Variants in PARVA observed in about 807,000 individuals in gnomAD.
PARVA encodes parvin alpha.
A neutral mutation model predicts 52.6 loss-of-function variants in PARVA; 25 were observed. That is an observed-to-expected ratio of 0.48 (90% CI 0.35 to 0.66). The LOEUF (loss-of-function observed/expected upper bound fraction) is 0.66, where lower values mean the gene tolerates loss of function less well. Among genes scored for constraint, PARVA ranks in the 30% least tolerant of loss-of-function variants. The pLI is 0.01. For synonymous variants in PARVA, 185 were observed against 179.1 expected (o/e 1.03, Z -0.26); for missense variants, 373 against 450.9 (o/e 0.83, Z 1.56).
chr11:12,491,785 CATATT>C (rs1319293780), intron 4 of PARVA, among the ~76,000 whole-genome samples: 1 of 152,062 alleles, frequency 6.6e-6, no homozygotes, highest in Non-Finnish European at 1.5e-5. Flanking sequence ...CTCTTAATAA[CATATT>C]AAGAAAAAAG....
chr11:12,451,827 A>G (rs1940627336), intron 1 of PARVA, among the ~76,000 whole-genome samples: 1 of 152,140 alleles, frequency 6.6e-6, no homozygotes, highest in African/African-American at 2.4e-5. Context: ...AAATTTGCAT[A>G]CTCTGTACCT....
intron 1 of PARVA, among the ~76,000 whole-genome samples, chr11:12,379,323 C>T (rs949833693): frequency 6.6e-6 from 1 of 152,182 alleles, no homozygotes; most frequent in Admixed American, 6.5e-5. Flanking sequence ...AGGTCTCACT[C>T]AGCCTTGTTT....
At chr11:12,391,746 A>G (rs1939662696) in intron 1 of PARVA, among the ~76,000 whole-genome samples, 1 of 152,226 alleles carries the variant, frequency 6.6e-6, no homozygotes, top group Non-Finnish European at 1.5e-5. Context: ...AACACACAGC[A>G]TGGAATTCCC....
chr11:12,482,981 T>C (rs1941108632), intron 4 of PARVA, among the ~76,000 whole-genome samples: 1 of 152,124 alleles, frequency 6.6e-6, no homozygotes, highest in African/African-American at 2.4e-5. Flanking sequence ...TGAGCGTCCT[T>C]GAGATGCCAT....
intron 1 of PARVA, among the ~76,000 whole-genome samples, chr11:12,446,690 A>C (rs10831825): frequency 0.26 from 39,148 of 152,148 alleles, 6,157 homozygotes; most frequent in Non-Finnish European, 0.34. Flanking sequence ...AAATACAATA[A>C]TATAGCAGTA....
intron 5 of PARVA, among the ~76,000 whole-genome samples, chr11:12,499,603 T>A (rs528663130): frequency 6.6e-6 from 1 of 152,136 alleles, no homozygotes; most frequent in African/African-American, 2.4e-5. Context: ...CACTCACCCA[T>A]CTGAAGTAAG....
At chr11:12,458,553 G>A (rs964560228) in intron 1 of PARVA, among the ~76,000 whole-genome samples, 5 of 146,652 alleles carry the variant, frequency 3.4e-5, no homozygotes, top group African/African-American at 5.1e-5. Context: ...TTCTGTTCCC[G>A]GATTTGCTCC....
At chr11:12,500,812 A>G (rs533234997) in intron 5 of PARVA, among the ~76,000 whole-genome samples, 8 of 140,342 alleles carry the variant, frequency 5.7e-5, no homozygotes, top group South Asian at 4.6e-4. Context: ...AAAAAGGGGG[A>G]AAAAAAACCT....
chr11:12,377,801 G>A lies in PARVA; in HGVS notation c.136+18G>A, dbSNP rs369975832. On this transcript the variant is annotated intron_variant, in intron 1 of 12. Coordinates refer to ENST00000334956, the MANE Select transcript of PARVA (RefSeq NM_018222.5). Reference sequence around the variant, plus strand: ...CAAGGAGGGTGAGTGCGGCCAGGCCGGCCGGGCGGGCGGTAGGAGCCGGGG... The same window carrying A: ...CAAGGAGGGTGAGTGCGGCCAGGCCAGCCGGGCGGGCGGTAGGAGCCGGGG... The A allele has an allele frequency of 1.4e-6, 2 of 1,474,268 alleles. No individual in the cohort carries two copies. The highest frequency in any genetic ancestry group is 3.1e-5 in the East Asian group (1 of 32,442). The allele number at this position is 1,474,268 out of a possible 1,614,324, so 91.3% of individuals were successfully genotyped here.
At chr11:12,404,024 T>A (rs1203410959) in intron 1 of PARVA, among the ~76,000 whole-genome samples, 1 of 152,136 alleles carries the variant, frequency 6.6e-6, no homozygotes, top group East Asian at 1.9e-4. Context: ...TATTTCCAAT[T>A]TATTCTAGGG....
intron 3 of PARVA, chr11:12,477,097 A>T (rs1941024770): frequency 6.6e-6 from 1 of 151,564 alleles, no homozygotes. Flanking sequence ...CTGTATACTT[A>T]ACTTTTTTTT....
chr11:12,440,779 G>T (rs1940455445), intron 1 of PARVA, among the ~76,000 whole-genome samples: 1 of 151,930 alleles, frequency 6.6e-6, no homozygotes, highest in African/African-American at 2.4e-5. Context: ...TTGCCATAGG[G>T]CCCCTCCATG....
chr11:12,471,264 A>C (rs1448406514), intron 1 of PARVA, among the ~76,000 whole-genome samples: 2 of 152,226 alleles, frequency 1.3e-5, no homozygotes, highest in African/African-American at 2.4e-5. Flanking sequence ...GAGACATTGA[A>C]TAAGTGATTA....
At chr11:12,518,620 G>A (rs369663952) in intron 12 of PARVA, 103 bp downstream of exon 12, 272 of 846,586 alleles carry the variant, frequency 3.2e-4, no homozygotes, top group African/African-American at 2.9e-3. Flanking sequence ...TGAAGCCTTC[G>A]TTGCTGGGGA....
At chr11:12,390,742 A>G (rs992276919) in intron 1 of PARVA, among the ~76,000 whole-genome samples, 11 of 152,174 alleles carry the variant, frequency 7.2e-5, no homozygotes, top group African/African-American at 2.7e-4. Flanking sequence ...CCTATTTACC[A>G]TGAGGCTGAG....
intron 12 of PARVA, among the ~76,000 whole-genome samples, chr11:12,518,817 C>T (rs1941604141): frequency 6.6e-6 from 1 of 152,230 alleles, no homozygotes; most frequent in Admixed American, 6.5e-5. Context: ...CCTGTCCCTG[C>T]ACAGGGTGCT....
chr11:12,486,673 T>G (rs760520859), intron 4 of PARVA, among the ~76,000 whole-genome samples: 1 of 151,982 alleles, frequency 6.6e-6, no homozygotes, highest in Non-Finnish European at 1.5e-5. Flanking sequence ...TGATAAAACC[T>G]CATTTCTACT....
chr11:12,381,893 C>T (rs577688035), intron 1 of PARVA, among the ~76,000 whole-genome samples: 184 of 152,304 alleles, frequency 1.2e-3, no homozygotes, highest in African/African-American at 4.4e-3. Context: ...TTCTCTGATA[C>T]TTGGGAGTAC....
intron 4 of PARVA, among the ~76,000 whole-genome samples, chr11:12,488,053 T>A (rs1011330683): frequency 3.3e-5 from 5 of 152,176 alleles, no homozygotes; most frequent in African/African-American, 9.7e-5. Flanking sequence ...CAAATAACAT[T>A]TGATACATAT....
Sources: gnomAD v4.1 joint callset for allele counts (sites outside exome capture counted in the v4.1 genomes callset) on GRCh38, gnomAD v4.1.1 for gene constraint, MANE v1.5 for transcripts, NCBI Gene and HGNC (gene_info 2026-07-23, HGNC 2026-07-21) for gene names.